Variants in GABBR1 observed in about 807,000 individuals in gnomAD.
GABBR1 encodes the protein gamma-aminobutyric acid type B receptor subunit 1.
GABBR1 carries 35 observed loss-of-function variants against 117.7 expected under a neutral mutation model. The ratio of observed to expected loss-of-function variants is 0.30; its 90% CI spans 0.23 to 0.39. The LOEUF (loss-of-function observed/expected upper bound fraction) is 0.39. Ranked by LOEUF, GABBR1 falls within the 10% of genes least tolerant of loss-of-function variation. The pLI is 1.00. For missense variants in GABBR1, 709 were observed against 1,241.8 expected (o/e 0.57, Z 6.45); for synonymous variants, 442 against 486.6 (o/e 0.91, Z 1.21).
Position 29,607,046 on chromosome 6 carries a change from T to C in GABBR1, c.2110-42A>G. On this transcript the variant is annotated intron_variant, in intron 17 of 22. Coordinates refer to ENST00000377034, the MANE Select transcript of GABBR1 (RefSeq NM_001470.4). The surrounding 1 kb of genome is among the most constrained non-coding windows in gnomAD (Gnocchi z 5.0). ...GGAGAACAGGCACGTCAGGGGAAAA[T>C]GCTCTGTGCCCCAGGAGCCAAGGAT... 6.2e-7 allele frequency: 1 copy of C among 1,609,288 alleles called. No homozygotes were observed. The highest frequency in any genetic ancestry group is 1.1e-5 in the South Asian group (1 of 90,966).
rs1763718691 is a variant in GABBR1 at position 29,621,189 on chromosome 6, A to G, written c.1235T>C (p.Val412Ala). The G allele has an allele frequency of 6.2e-7, 1 of 1,612,966 alleles. No individual in the cohort carries two copies. Among genetic ancestry groups the G allele is most frequent in the Non-Finnish European group, 8.5e-7 (1 of 1,180,000 alleles). Reference protein sequence around the residue: ...KIYDPSINCTVDEMTEAVEGH... With the variant: ...KIYDPSINCTADEMTEAVEGH... ...CTCCACCGCCTCAGTCATCTCATCC[A>G]CTGTGCAGTTGATAGAAGGGTCGTA... Residue 412 changes from valine (V) to alanine (A), a missense_variant, in exon 11 of 23, where the codon GTG becomes GCG. This residue lies in a region of GABBR1 where 192 missense variants were observed against 418.4 expected (regional missense o/e 0.46). Transcript: ENST00000377034. The surrounding 1 kb of genome is among the most constrained non-coding windows in gnomAD (Gnocchi z 5.0).
chr6:29,606,030 C>G lies in GABBR1; in HGVS notation c.2312-334G>C. The G allele has an allele frequency of 1.9e-6, 1 of 514,288 alleles. No individual in the cohort carries two copies. The highest frequency in any genetic ancestry group is 3.5e-6 in the Non-Finnish European group (1 of 288,954). 31.9% of individuals were successfully genotyped at this position (514,288 alleles called of 1,614,324 possible). ...ACCCTACAGGTGGGAAGGTGGCTTT[C>G]CAGGCAGAGGGTAGGTTTGCAATTT... On this transcript the variant is annotated intron_variant, in intron 19 of 22. Transcript: ENST00000377034. This position sits in a 1 kb window ranked among gnomAD's most constrained non-coding sequence, Gnocchi z 4.5.
intron 11 of GABBR1, among the ~76,000 whole-genome samples, chr6:29,615,564 A>C (rs1445296107): frequency 3.4e-5 from 5 of 148,900 alleles, no homozygotes; most frequent in African/African-American, 1.0e-4. Context: ...AGCAGAGATC[A>C]CGCCACTGCA....
chr6:29,610,735 A>G (rs1343500486), intron 14 of GABBR1, among the ~76,000 whole-genome samples, 189 bp downstream of exon 14: 5 of 151,648 alleles, frequency 3.3e-5, no homozygotes, highest in African/African-American at 1.2e-4. Flanking sequence ...TTCCCTCTCC[A>G]AATACACCAG....
chr6:29,616,457 G>A (rs1274787498), intron 11 of GABBR1, among the ~76,000 whole-genome samples: 1 of 151,522 alleles, frequency 6.6e-6, no homozygotes. Flanking sequence ...AGGCTGAGGA[G>A]GGTGAATCAT....
chr6:29,609,840 C>T lies in GABBR1; in HGVS notation c.1709-461G>A, dbSNP rs29258. 0.098 allele frequency among the ~76,000 whole-genome samples: 14,854 copies of T among 151,440 alleles called. 854 individuals are homozygous for T. Among genetic ancestry groups the T allele is most frequent in the Middle Eastern group, 0.21 (62 of 294 alleles). ...AAGGCCTTGAAGTATCTAGTGTGGA[C>T]ACCTATTCTTAAGACAAACAAAAAA... On this transcript the variant is annotated intron_variant, in intron 14 of 22. Transcript: ENST00000377034. This position sits in a 1 kb window ranked among gnomAD's most constrained non-coding sequence, Gnocchi z 4.3.
Position 29,631,641 on chromosome 6 carries a change from G to A in GABBR1, c.86-42C>T. On this transcript the variant is annotated intron_variant, in intron 2 of 22. Coordinates refer to ENST00000377034, the MANE Select transcript of GABBR1 (RefSeq NM_001470.4). This position sits in a 1 kb window ranked among gnomAD's most constrained non-coding sequence, Gnocchi z 5.9. ...GGAGGCATACAGAGAGGAATGGTGG[G>A]AAAGAGGAAAAGGCAGGCTCCCCAG... 6.3e-7 allele frequency: 1 copy of A among 1,583,950 alleles called. No individual in the cohort carries two copies. Among genetic ancestry groups the A allele is most frequent in the Non-Finnish European group, 8.7e-7 (1 of 1,152,986 alleles).
intron 6 of GABBR1, 40 bp from the exon 7 acceptor site, chr6:29,624,064 C>T (rs1373648450): frequency 6.5e-7 from 1 of 1,549,392 alleles, no homozygotes; most frequent in Admixed American, 1.8e-5. Context: ...TCTCCTGGGG[C>T]CCCTCCCCTG....
chr6:29,624,643 G>T (rs373977344), intron 6 of GABBR1, among the ~76,000 whole-genome samples: 39 of 152,194 alleles, frequency 2.6e-4, no homozygotes, highest in South Asian at 1.0e-3. Flanking sequence ...AAAGACACTG[G>T]GGGGTGGAAG....
At chr6:29,608,185 A>G (rs3025636) in intron 16 of GABBR1, among the ~76,000 whole-genome samples, 5,909 of 151,364 alleles carry the variant, frequency 0.039, 149 homozygotes, top group Middle Eastern at 0.14. Flanking sequence ...CTTCCCCCCA[A>G]CTCTCTGCTG....
intron 11 of GABBR1, among the ~76,000 whole-genome samples, chr6:29,619,805 T>A (rs1763568198): frequency 6.6e-6 from 1 of 152,250 alleles, no homozygotes; most frequent in Non-Finnish European, 1.5e-5. Flanking sequence ...GACTCACCTC[T>A]TGGGTACTCT....
In GABBR1 at chr6:29,609,454, G is replaced by A; in HGVS notation, c.1709-75C>T. 7.5e-7 allele frequency: 1 copy of A among 1,336,070 alleles called. No individual in the cohort carries two copies. Among genetic ancestry groups the A allele is most frequent in the South Asian group, 1.2e-5 (1 of 82,556 alleles). The allele number at this position is 1,336,070 out of a possible 1,614,324, so 82.8% of individuals were successfully genotyped here. A position where few individuals can be genotyped will look rare whatever the true frequency, so the allele number is the denominator to read the frequency against. ...GGACAAAGGAATGAAGACGGGATAG[G>A]AGAAAAGGGCAAAGAACTAGATTGC... On this transcript the variant is annotated intron_variant, in intron 14 of 22. Coordinates refer to ENST00000377034, the MANE Select transcript of GABBR1 (RefSeq NM_001470.4). The surrounding 1 kb of genome is among the most constrained non-coding windows in gnomAD (Gnocchi z 4.3).
chr6:29,607,391 G>C lies in GABBR1; in HGVS notation c.1993-173C>G, dbSNP rs1051063433. 6.6e-6 allele frequency among the ~76,000 whole-genome samples: 1 copy of C among 152,104 alleles called. No individual in the cohort carries two copies. On this transcript the variant is annotated intron_variant, in intron 16 of 22. Transcript: ENST00000377034. This position sits in a 1 kb window ranked among gnomAD's most constrained non-coding sequence, Gnocchi z 5.0. ...GACGGGGAGCGGCAGGAGGAGAGCA[G>C]TCTCCCCACCTTGAACAATTCCTCC...
Position 29,627,815 on chromosome 6 carries a change from T to C in GABBR1, c.497-169A>G. 2 of 1,424,978 alleles carry C rather than the reference T, an allele frequency of 1.4e-6. No homozygotes were observed. The highest frequency in any genetic ancestry group is 2.6e-5 in the East Asian group (1 of 38,918). 88.3% of individuals were successfully genotyped at this position (1,424,978 alleles called of 1,614,324 possible). On this transcript the variant is annotated intron_variant, in intron 5 of 22. Coordinates refer to ENST00000377034, the MANE Select transcript of GABBR1 (RefSeq NM_001470.4). The surrounding 1 kb of genome is among the most constrained non-coding windows in gnomAD (Gnocchi z 4.4). ...ATGGCGTGGGGGGCAGGGGTAGCTG[T>C]TGGGGAGCGTTAGGAGCTCAGGGGG... is the stretch of plus-strand genomic sequence containing the variant.
At chr6:29,619,452 A>C (rs1319943731) in intron 11 of GABBR1, among the ~76,000 whole-genome samples, 1 of 152,174 alleles carries the variant, frequency 6.6e-6, no homozygotes, top group Non-Finnish European at 1.5e-5. Flanking sequence ...TCAGAAAGGG[A>C]CCTTCCAAGT....
At position 29,630,535 on chromosome 6, in the gene GABBR1, G is replaced by A. The variant is rs746848189; in HGVS notation, c.398C>T (p.Pro133Leu). The A allele has an allele frequency of 6.2e-7, 1 of 1,613,086 alleles. No homozygotes were observed. Among genetic ancestry groups the A allele is most frequent in the Admixed American group, 1.7e-5 (1 of 60,020 alleles). The change falls in exon 4 of 23, where the codon CCC becomes CTC. Residue 133 changes from proline to leucine, a missense_variant. Physicochemically the swap from Pro to Leu is moderately conservative, Grantham distance 98. Transcript: ENST00000377034. The surrounding 1 kb of genome is among the most constrained non-coding windows in gnomAD (Gnocchi z 4.9). ...GGAGCTGCCCACCAGATGGAAGTCG[G>A]GGTCACACCGGAAATCCACCCGGGC... The part of the protein sequence containing the change: ...DGARVDFRCD[P>L]DFHLVGSSRS...
chr6:29,602,388 C>CA lies in GABBR1; in HGVS notation c.*1154dup. On this transcript the variant is annotated 3_prime_UTR_variant, in exon 23 of 23. Transcript: ENST00000377034. The stretch of plus-strand genomic sequence containing the variant: ...TTGGTCAGGATTCTCATCAACTATC[C>CA]ACTGGAAGCAGCTCTCCAAACCTGC... The CA allele has an allele frequency of 1.3e-5, 2 of 155,246 alleles. No homozygotes were observed. The highest frequency in any genetic ancestry group is 6.8e-3 in the Middle Eastern group (2 of 294). 9.6% of individuals were successfully genotyped at this position (155,246 alleles called of 1,614,324 possible). A position where few individuals can be genotyped will look rare whatever the true frequency, so the allele number is the denominator to read the frequency against.
Position 29,631,692 on chromosome 6 carries a change from G to T in GABBR1, c.86-93C>A. On this transcript the variant is annotated intron_variant, in intron 2 of 22. Coordinates refer to ENST00000377034, the MANE Select transcript of GABBR1 (RefSeq NM_001470.4). This position sits in a 1 kb window ranked among gnomAD's most constrained non-coding sequence, Gnocchi z 5.9. Reference sequence around the variant, plus strand: ...TGGGAGGAAGGGGAGAGTAGGGCGTGGTCTGTGGGCAGGCTGGGGACAGAG... The same window carrying T: ...TGGGAGGAAGGGGAGAGTAGGGCGTTGTCTGTGGGCAGGCTGGGGACAGAG... 8.9e-7 allele frequency: 1 copy of T among 1,121,124 alleles called. No homozygotes were observed. Among genetic ancestry groups the T allele is most frequent in the Non-Finnish European group, 1.3e-6 (1 of 747,628 alleles). 69.4% of individuals were successfully genotyped at this position (1,121,124 alleles called of 1,614,324 possible). A position where few individuals can be genotyped will look rare whatever the true frequency, so the allele number is the denominator to read the frequency against.
chr6:29,613,563 C>T lies in GABBR1; in HGVS notation c.1324-78G>A, dbSNP rs1466473717. On this transcript the variant is annotated intron_variant, in intron 11 of 22. Transcript: ENST00000377034. This position sits in a 1 kb window ranked among gnomAD's most constrained non-coding sequence, Gnocchi z 4.1. ...GAAGGGGTGCAATCCAATTCTGACT[C>T]AATCACTTCTACTTGAATGGATGGT... is the stretch of plus-strand genomic sequence containing the variant. The T allele has an allele frequency of 1.3e-6, 2 of 1,510,760 alleles. No homozygotes were observed. The highest frequency in any genetic ancestry group is 3.6e-5 in the Admixed American group (2 of 54,800). 93.6% of individuals were successfully genotyped at this position (1,510,760 alleles called of 1,614,324 possible).
Sources: allele counts gnomAD v4.1 joint callset (sites outside exome capture counted in the v4.1 genomes callset), GRCh38; gene constraint gnomAD v4.1.1; regional missense constraint gnomAD v4.1.1; non-coding constraint Gnocchi (gnomAD v3.1); transcripts MANE v1.5; gene names NCBI Gene and HGNC (gene_info 2026-07-23, HGNC 2026-07-21).